Variants in JPH3 observed in about 807,000 individuals in gnomAD.
JPH3 encodes junctophilin 3.
In JPH3, 11 loss-of-function variants were observed where a neutral mutation model predicts 59.6. That is an observed-to-expected ratio of 0.18 (90% CI 0.12 to 0.31). JPH3 has a LOEUF of 0.31. Ranked by LOEUF, JPH3 falls within the 10% of genes least tolerant of loss-of-function variation. JPH3 has a pLI of 1.00. For synonymous variants in JPH3, 673 were observed against 483.6 expected, an observed-to-expected ratio of 1.39 and a Z score of -5.14; for missense variants, 1,202 against 1,105.7, an observed-to-expected ratio of 1.09 and a Z score of -1.24.
intron 1 of JPH3, among the ~76,000 whole-genome samples, chr16:87,633,494 T>TAA (rs1567590302): frequency 6.7e-6 from 1 of 149,466 alleles, no homozygotes; most frequent in Admixed American, 6.6e-5. Flanking sequence ...AAAAAAAAAA[T>TAA]TTATATATAT....
chr16:87,675,097 A>G lies in JPH3; in HGVS notation c.1161-9045A>G, dbSNP rs546299932. ...TATTTTAAAAATAAAATATCCAGCC[A>G]CAATCCCTGAGAATAGCTAGGCAGT... On this transcript the variant is annotated intron_variant, in intron 2 of 4. Transcript: ENST00000284262. 1.2e-4 allele frequency among the ~76,000 whole-genome samples: 18 copies of G among 152,188 alleles called. 1 individual carries two copies. In the South Asian group the frequency reaches 3.7e-3, roughly 32 times the overall value.
At chr16:87,650,447 C>G (rs932947662) in intron 2 of JPH3, among the ~76,000 whole-genome samples, 1 of 152,176 alleles carries the variant, frequency 6.6e-6, no homozygotes, top group African/African-American at 2.4e-5. Flanking sequence ...AATAACACTC[C>G]AATGGTCTCT....
At chr16:87,646,004 C>T (rs992271596) in intron 2 of JPH3, among the ~76,000 whole-genome samples, 3 of 152,192 alleles carry the variant, frequency 2.0e-5, no homozygotes, top group Admixed American at 2.0e-4. Flanking sequence ...AGACGAGGGC[C>T]CTTGGGGTAG....
intron 2 of JPH3, among the ~76,000 whole-genome samples, chr16:87,681,404 G>A (rs1288680711): frequency 5.0e-5 from 6 of 121,090 alleles, no homozygotes; most frequent in Admixed American, 1.7e-4. Flanking sequence ...GCGCGCGGTC[G>A]TGACAGTGCC....
intron 1 of JPH3, among the ~76,000 whole-genome samples, chr16:87,627,618 C>T (rs1262935308): frequency 6.6e-6 from 1 of 152,202 alleles, no homozygotes; most frequent in Non-Finnish European, 1.5e-5. Context: ...AGCTCCCAGG[C>T]TCTCATCCCT....
intron 2 of JPH3, among the ~76,000 whole-genome samples, chr16:87,645,953 C>G (rs1227101192): frequency 6.6e-6 from 1 of 152,224 alleles, no homozygotes; most frequent in Non-Finnish European, 1.5e-5. Flanking sequence ...TTCAGAAAAC[C>G]CAGAGCCTTT....
At chr16:87,662,904 C>T (rs1438918916) in intron 2 of JPH3, among the ~76,000 whole-genome samples, 1 of 152,230 alleles carries the variant, frequency 6.6e-6, no homozygotes, top group Non-Finnish European at 1.5e-5. Flanking sequence ...AAAGCACCGG[C>T]TCCTTTCACG....
chr16:87,649,390 T>A (rs778790336), intron 2 of JPH3, among the ~76,000 whole-genome samples: 1 of 152,236 alleles, frequency 6.6e-6, no homozygotes, highest in Non-Finnish European at 1.5e-5. Flanking sequence ...TGCACGGCGC[T>A]GCCTGTCCTG....
At chr16:87,671,281 C>T (rs758330462) in intron 2 of JPH3, among the ~76,000 whole-genome samples, 2 of 152,202 alleles carry the variant, frequency 1.3e-5, no homozygotes, top group African/African-American at 2.4e-5. Flanking sequence ...TTCGTCACCC[C>T]GAGGTGGCGA....
intron 2 of JPH3, among the ~76,000 whole-genome samples, chr16:87,665,167 G>A (rs1050795789): frequency 1.3e-4 from 20 of 152,244 alleles, no homozygotes; most frequent in African/African-American, 4.6e-4. Flanking sequence ...GCCCCTGGGC[G>A]GAGAAGCCAA....
At chr16:87,667,033 A>C (rs1027219467) in intron 2 of JPH3, among the ~76,000 whole-genome samples, 1 of 152,220 alleles carries the variant, frequency 6.6e-6, no homozygotes, top group Non-Finnish European at 1.5e-5. Flanking sequence ...TCCGGGCAGA[A>C]GCTCGAGACG....
At chr16:87,634,307 G>C (rs529858577) in intron 1 of JPH3, among the ~76,000 whole-genome samples, 1 of 152,164 alleles carries the variant, frequency 6.6e-6, no homozygotes, top group Non-Finnish European at 1.5e-5. Context: ...CCTGGGCAGA[G>C]AGTGGGTATA....
intron 2 of JPH3, among the ~76,000 whole-genome samples, chr16:87,649,137 C>T (rs1466806634): frequency 1.3e-5 from 2 of 152,140 alleles, no homozygotes; most frequent in Admixed American, 6.5e-5. Context: ...CAGAGAGGGG[C>T]GGGAGCCAGT....
chr16:87,606,414 C>G lies in JPH3; in HGVS notation c.382+2886C>G, dbSNP rs933246898. ...GACACCTGTGCCAACTCCTCCTCCT[C>G]CAGGTGTGTCCTCCCCTTAGGGTAC... On this transcript the variant is annotated intron_variant, in intron 1 of 4. Coordinates refer to ENST00000284262, the MANE Select transcript of JPH3 (RefSeq NM_020655.4). Among the ~76,000 whole-genome samples the G allele has an allele frequency of 5.3e-5, 8 of 152,224 alleles. No homozygotes were observed. In the South Asian group the frequency reaches 1.0e-3, roughly 20 times the overall value.
intron 2 of JPH3, among the ~76,000 whole-genome samples, chr16:87,669,935 C>G (rs893289746): frequency 6.6e-6 from 1 of 152,024 alleles, no homozygotes; most frequent in Non-Finnish European, 1.5e-5. Context: ...GCTCAGAGGC[C>G]GTGGGTGTGC....
At chr16:87,675,339 G>T (rs1416424611) in intron 2 of JPH3, among the ~76,000 whole-genome samples, 1 of 152,128 alleles carries the variant, frequency 6.6e-6, no homozygotes, top group Non-Finnish European at 1.5e-5. Context: ...AACCCAGAGT[G>T]TCGGTGCTGC....
chr16:87,651,765 A>C (rs1247824732), intron 2 of JPH3, among the ~76,000 whole-genome samples: 1 of 152,266 alleles, frequency 6.6e-6, no homozygotes, highest in East Asian at 1.9e-4. Flanking sequence ...ACTCCTGGCG[A>C]AGATGCTGCA....
At chr16:87,668,339 C>T (rs2032928532) in intron 2 of JPH3, among the ~76,000 whole-genome samples, 1 of 152,156 alleles carries the variant, frequency 6.6e-6, no homozygotes, top group African/African-American at 2.4e-5. Context: ...CTCTGTGTAG[C>T]CTGAAGGCAG....
At chr16:87,696,167 G>A (rs1025425583) in intron 4 of JPH3, 9 of 454,802 alleles carry the variant, frequency 2.0e-5, no homozygotes, top group Non-Finnish European at 3.5e-5. Flanking sequence ...GCAGCCATGC[G>A]GGCCCTTCTG....
Sources: gnomAD v4.1 joint callset for allele counts (sites outside exome capture counted in the v4.1 genomes callset) on GRCh38, gnomAD v4.1.1 for gene constraint, MANE v1.5 for transcripts, NCBI Gene and HGNC (gene_info 2026-07-23, HGNC 2026-07-21) for gene names.